The following SIK3 variants were observed in gnomAD, a reference collection of about 807,000 sequenced individuals.
SIK3 encodes serine/threonine-protein kinase SIK3.
Under a neutral mutation model 144.2 loss-of-function variants are expected in SIK3, and 28 were observed. The observed-to-expected ratio is 0.19, with a 90% CI of 0.14 to 0.27. The LOEUF (loss-of-function observed/expected upper bound fraction) is 0.27. SIK3 is among the 10% of genes least tolerant of loss of function. The pLI, the probability that SIK3 is intolerant of heterozygous loss-of-function variation, is 1.00. For missense variants in SIK3, 1,319 were observed against 1,776.0 expected, an observed-to-expected ratio of 0.74 and a Z score of 4.62; for synonymous variants, 686 against 676.3, an observed-to-expected ratio of 1.01 and a Z score of -0.22.
chr11:117,013,950 G>GTTTTTTTTTTTT (rs1591536602), intron 1 of SIK3, among the ~76,000 whole-genome samples: 1 of 40,922 alleles, frequency 2.4e-5, no homozygotes, highest in Non-Finnish European at 6.7e-5. Flanking sequence ...GTGTGTGTGT[G>GTTTTTTTTTTTT]TTTTATTTCT....
At chr11:116,920,826 A>G (rs1946926548) in intron 4 of SIK3, among the ~76,000 whole-genome samples, 1 of 152,250 alleles carries the variant, frequency 6.6e-6, no homozygotes, top group South Asian at 2.1e-4. Context: ...GGACATGGTT[A>G]CAGTCCTTGT....
At chr11:117,054,169 G>T (rs1266109533) in intron 1 of SIK3, among the ~76,000 whole-genome samples, 1 of 152,202 alleles carries the variant, frequency 6.6e-6, no homozygotes, top group East Asian at 1.9e-4. Flanking sequence ...ACAGACCACT[G>T]AAGAATCACC....
intron 4 of SIK3, among the ~76,000 whole-genome samples, chr11:116,900,321 C>A (rs1039302997): frequency 6.6e-6 from 1 of 152,176 alleles, no homozygotes; most frequent in Admixed American, 6.5e-5. Context: ...TGTCTTGACT[C>A]CACCTCCTCT....
chr11:116,847,531 A>G lies in SIK3; in HGVS notation c.3897T>C (p.Val1299=). Residue 1299 remains valine, a synonymous_variant, in exon 23 of 25, where the codon GTT becomes GTC. Coordinates refer to ENST00000445177, the MANE Select transcript of SIK3 (RefSeq NM_001366686.3). ...TGCCCATGAGCGAAGACTGACTGAG[A>G]ACTGCATCCGACATCCGGGCAGAGC... ...ALSSARMSDA[V]LSQSSLMGSQ... 6.2e-7 allele frequency: 1 copy of G among 1,614,176 alleles called. No homozygotes were observed. Among genetic ancestry groups the G allele is most frequent in the Non-Finnish European group, 8.5e-7 (1 of 1,180,026 alleles).
intron 4 of SIK3, among the ~76,000 whole-genome samples, chr11:116,915,513 A>T (rs1946585208): frequency 6.6e-6 from 1 of 152,226 alleles, no homozygotes; most frequent in Non-Finnish European, 1.5e-5. Flanking sequence ...CAAATAATAT[A>T]CTATGAATGT....
chr11:116,945,984 C>G (rs1591393646), intron 3 of SIK3, among the ~76,000 whole-genome samples: 1 of 152,128 alleles, frequency 6.6e-6, no homozygotes, highest in Non-Finnish European at 1.5e-5. Flanking sequence ...AAGCATGAAA[C>G]ATCTTTTTCA....
chr11:117,035,741 T>C, intron 1 of SIK3: 1 of 1,187,252 alleles, frequency 8.4e-7, no homozygotes, highest in Non-Finnish European at 1.2e-6. Flanking sequence ...TTTTTTTTTT[T>C]AATCCAAAAT....
intron 1 of SIK3, among the ~76,000 whole-genome samples, chr11:117,042,405 A>C (rs549487161): frequency 1.3e-5 from 2 of 152,324 alleles, no homozygotes; most frequent in South Asian, 4.1e-4. Flanking sequence ...GTCTCGCTGC[A>C]CATCTACATG....
At chr11:116,916,700 C>T (rs910405243) in intron 4 of SIK3, among the ~76,000 whole-genome samples, 23 of 150,940 alleles carry the variant, frequency 1.5e-4, no homozygotes, top group Admixed American at 3.3e-4. Context: ...TTAGTAGAGA[C>T]GGGGTTTCAC....
At position 116,947,223 on chromosome 11, in the gene SIK3, A is replaced by AATATACAAATT. The variant is rs1565487285; in HGVS notation, c.454+6820_454+6821insAATTTGTATAT. ...AAATTATTATTTATATACAATATAT[A>AATATACAAATT]ATTATTTATATATTTTATATATAAT... On this transcript the variant is annotated intron_variant, in intron 3 of 24. Transcript: ENST00000445177. 8.4e-4 allele frequency among the ~76,000 whole-genome samples: 75 copies of AATATACAAATT among 88,904 alleles called. 1 individual carries two copies. Among genetic ancestry groups the AATATACAAATT allele is most frequent in the Middle Eastern group, 6.9e-3 (1 of 144 alleles). 58.3% of individuals were successfully genotyped at this position (88,904 alleles called of 152,430 possible). A position where few individuals can be genotyped will look rare whatever the true frequency, so the allele number is the denominator to read the frequency against.
intron 1 of SIK3, among the ~76,000 whole-genome samples, chr11:116,995,644 T>C (rs1003554266): frequency 3.9e-5 from 6 of 152,160 alleles, no homozygotes; most frequent in African/African-American, 1.4e-4. Flanking sequence ...AATATTCTAA[T>C]CGTCTAGTGA....
intron 6 of SIK3, among the ~76,000 whole-genome samples, chr11:116,878,200 T>A (rs1316097247): frequency 6.6e-6 from 1 of 152,130 alleles, no homozygotes; most frequent in Admixed American, 6.5e-5. Context: ...TCCTACCCGG[T>A]CTTTCTGCTT....
intron 1 of SIK3, among the ~76,000 whole-genome samples, chr11:117,075,514 T>C (rs1404573103): frequency 6.6e-6 from 1 of 151,990 alleles, no homozygotes; most frequent in Non-Finnish European, 1.5e-5. Flanking sequence ...GCTATGTATA[T>C]CCACATTCTA....
chr11:116,879,631 T>A (rs554433242), intron 6 of SIK3, among the ~76,000 whole-genome samples: 37 of 152,358 alleles, frequency 2.4e-4, no homozygotes, highest in Admixed American at 8.5e-4. Context: ...GATAAATTAC[T>A]CTTATTTTAA....
Position 116,876,309 on chromosome 11 carries a change from C to T in SIK3, c.1039G>A (p.Glu347Lys), listed in dbSNP as rs45511502. 1,342 of 1,614,286 alleles carry T rather than the reference C, an allele frequency of 8.3e-4. 3 individuals are homozygous for T. The Middle Eastern group carries it at 0.012, about 14-fold the overall frequency. ...KEERQVDPLN[E>K]DVLLAMEDMG... The stretch of plus-strand genomic sequence containing the variant: ...TCCTCCATGGCCAAGAGGACATCCT[C>T]ATTCAGGGGGTCCACCTGTCTTTCT... Residue 347 changes from glutamate to lysine, a missense_variant, in exon 8 of 25, where the codon GAG becomes AAG. Around this residue, in one of 8 missense-constraint regions of SIK3, gnomAD observed 109 missense variants for 109.3 expected, o/e 1.00. Coordinates refer to ENST00000445177, the MANE Select transcript of SIK3 (RefSeq NM_001366686.3).
chr11:116,863,927 G>T, intron 15 of SIK3, 109 bp from the exon 16 acceptor site: 2 of 1,183,178 alleles, frequency 1.7e-6, no homozygotes, highest in Non-Finnish European at 2.4e-6. Flanking sequence ...TGCCCAGGTA[G>T]CCCTGCATAT....
In SIK3 at chr11:116,988,000, G is replaced by A. The variant is rs371072062; in HGVS notation, c.274-30936C>T. 3.3e-5 allele frequency among the ~76,000 whole-genome samples: 5 copies of A among 152,290 alleles called. No individual in the cohort carries two copies. The East Asian group carries it at 9.7e-4, about 29-fold the overall frequency. On this transcript the variant is annotated intron_variant, in intron 1 of 24. Coordinates refer to ENST00000445177, the MANE Select transcript of SIK3 (RefSeq NM_001366686.3). ...ACAGCACCACGTACTGTGAGAAGTA[G>A]AAAGATCTTTGGAAATTTCTTATTC... is the stretch of plus-strand genomic sequence containing the variant.
intron 4 of SIK3, among the ~76,000 whole-genome samples, chr11:116,901,725 C>T (rs1076485): frequency 0.23 from 34,670 of 152,076 alleles, 4,990 homozygotes; most frequent in East Asian, 0.56. Flanking sequence ...ATTCTTCTCT[C>T]TTTCACAGTA....
At chr11:117,041,216 G>GT (rs1426116560) in intron 1 of SIK3, among the ~76,000 whole-genome samples, 7 of 152,138 alleles carry the variant, frequency 4.6e-5, no homozygotes, top group South Asian at 2.1e-4. Flanking sequence ...AGGAAGTACT[G>GT]TAAGAGATGG....
Sources: allele counts gnomAD v4.1 joint callset (sites outside exome capture counted in the v4.1 genomes callset), GRCh38; gene constraint gnomAD v4.1.1; regional missense constraint gnomAD v4.1.1; transcripts MANE v1.5; gene names NCBI Gene and HGNC (gene_info 2026-07-23, HGNC 2026-07-21).